The following CERT1 variants were observed in gnomAD, a reference collection of about 807,000 sequenced individuals.
CERT1 encodes the protein ceramide transfer protein.
In CERT1, 31 loss-of-function variants were observed where a neutral mutation model predicts 87.9. The observed-to-expected ratio is 0.35, with a 90% CI of 0.27 to 0.48. The LOEUF is 0.48. CERT1 is among the 20% of genes least tolerant of loss of function. CERT1 has a pLI of 0.99. For missense variants in CERT1, 487 were observed against 758.0 expected, an observed-to-expected ratio of 0.64 and a Z score of 4.20; for synonymous variants, 289 against 250.9, an observed-to-expected ratio of 1.15 and a Z score of -1.44.
intron 11 of CERT1, among the ~76,000 whole-genome samples, chr5:75,390,807 T>C (rs957671773): frequency 6.6e-6 from 1 of 152,248 alleles, no homozygotes; most frequent in East Asian, 1.9e-4. Flanking sequence ...AATAATCAAC[T>C]TCCCCCCTAC....
chr5:75,460,752 C>T (rs138572351), intron 2 of CERT1, among the ~76,000 whole-genome samples: 4 of 152,346 alleles, frequency 2.6e-5, no homozygotes, highest in African/African-American at 9.6e-5. Flanking sequence ...ACAACATCCA[C>T]CTTTTATCTC....
At chr5:75,457,767 GGT>G (rs148564811) in intron 3 of CERT1, among the ~76,000 whole-genome samples, 3,048 of 151,054 alleles carry the variant, frequency 0.02, 50 homozygotes, top group Middle Eastern at 0.038. Context: ...TGGGTGTAGG[GGT>G]GTGTGTGTGT....
intron 6 of CERT1, 79 bp from the exon 7 acceptor site, chr5:75,417,112 G>A: frequency 8.4e-7 from 1 of 1,183,442 alleles, no homozygotes; most frequent in South Asian, 1.6e-5. Context: ...AAAATGTTTA[G>A]AAAATTAGCA....
At chr5:75,396,434 A>G (rs1486650353) in intron 11 of CERT1, among the ~76,000 whole-genome samples, 3 of 152,210 alleles carry the variant, frequency 2.0e-5, no homozygotes, top group Non-Finnish European at 4.4e-5. Context: ...TTGTGTATTA[A>G]GAACGATGTA....
chr5:75,438,171 C>T (rs1580771320), intron 3 of CERT1, among the ~76,000 whole-genome samples: 2 of 152,064 alleles, frequency 1.3e-5, no homozygotes, highest in Admixed American at 1.3e-4. Flanking sequence ...ACATGGCTCT[C>T]AATTAGTTTT....
chr5:75,374,210 AAAAAAAGAC>A (rs1046727600), downstream of CERT1: 2 of 404,528 alleles, frequency 4.9e-6, no homozygotes, highest in Admixed American at 8.7e-5. Context: ...AAAAAAAAAA[AAAAAAAGAC>A]AAGTAAAAAA....
intron 2 of CERT1, among the ~76,000 whole-genome samples, chr5:75,463,373 C>T (rs891569347): frequency 2.0e-5 from 3 of 151,946 alleles, no homozygotes; most frequent in East Asian, 1.9e-4. Context: ...TCAACCCTCC[C>T]GAAGAACCAA....
chr5:75,385,590 TC>T (rs1761753452), intron 13 of CERT1, among the ~76,000 whole-genome samples: 1 of 152,248 alleles, frequency 6.6e-6, no homozygotes, highest in Non-Finnish European at 1.5e-5. Flanking sequence ...TCTTGGCTTC[TC>T]CACCATATAG....
chr5:75,457,707 GAAGTATGC>G (rs1251632436), intron 3 of CERT1, among the ~76,000 whole-genome samples: 1 of 151,976 alleles, frequency 6.6e-6, no homozygotes, highest in Non-Finnish European at 1.5e-5. Flanking sequence ...GATTGATAAA[GAAGTATGC>G]AATTGTGAAA....
chr5:75,391,363 T>C (rs1762022672), intron 11 of CERT1, among the ~76,000 whole-genome samples: 2 of 152,340 alleles, frequency 1.3e-5, no homozygotes, highest in East Asian at 1.9e-4. Context: ...GCCTTAAGTG[T>C]CTCCTGATCT....
chr5:75,406,091 T>C (rs1762696537), intron 8 of CERT1, among the ~76,000 whole-genome samples: 1 of 152,240 alleles, frequency 6.6e-6, no homozygotes, highest in Admixed American at 6.5e-5. Flanking sequence ...TTTTCTGAAC[T>C]GCAAATGTGA....
chr5:75,389,733 T>C (rs771650782), intron 11 of CERT1, 46 bp from the exon 12 acceptor site: 3 of 1,432,882 alleles, frequency 2.1e-6, no homozygotes, highest in Non-Finnish European at 3.0e-6. Context: ...AGGTATGTCA[T>C]AATCTCTAAA....
At chr5:75,477,946 T>C (rs1467836048) in intron 2 of CERT1, among the ~76,000 whole-genome samples, 7 of 152,154 alleles carry the variant, frequency 4.6e-5, no homozygotes, top group East Asian at 3.8e-4. Flanking sequence ...TGGTGGCAGA[T>C]TGATACATTC....
chr5:75,412,138 T>C (rs1762956795), intron 7 of CERT1, among the ~76,000 whole-genome samples: 1 of 152,226 alleles, frequency 6.6e-6, no homozygotes, highest in Non-Finnish European at 1.5e-5. Flanking sequence ...CTAATGCTTT[T>C]ATTTCCTCAT....
intron 8 of CERT1, among the ~76,000 whole-genome samples, chr5:75,406,764 T>G (rs1004247548): frequency 6.6e-6 from 1 of 152,038 alleles, no homozygotes; most frequent in Non-Finnish European, 1.5e-5. Context: ...AGGCTGCTCT[T>G]GAACTCCTGA....
At chr5:75,474,105 C>G (rs1322581072) in intron 2 of CERT1, among the ~76,000 whole-genome samples, 1 of 152,152 alleles carries the variant, frequency 6.6e-6, no homozygotes, top group Non-Finnish European at 1.5e-5. Context: ...AACTTAAAAA[C>G]CGATGTTATT....
chr5:75,432,534 C>T (rs1258407555), intron 3 of CERT1, among the ~76,000 whole-genome samples: 1 of 152,180 alleles, frequency 6.6e-6, no homozygotes, highest in Non-Finnish European at 1.5e-5. Context: ...TGTTCATGTC[C>T]TTTGCCCATC....
chr5:75,507,406 G>C (rs1460600765), intron 1 of CERT1, among the ~76,000 whole-genome samples: 1 of 152,030 alleles, frequency 6.6e-6, no homozygotes, highest in African/African-American at 2.4e-5. Context: ...ACCATCCCTA[G>C]CCAGTTCTTA....
chr5:75,487,611 T>C (rs189647575), intron 2 of CERT1, among the ~76,000 whole-genome samples: 1 of 152,116 alleles, frequency 6.6e-6, no homozygotes, highest in East Asian at 1.9e-4. Context: ...TACAAGGAGA[T>C]GAGAGAAGTC....
Sources: gnomAD v4.1 joint callset for allele counts (sites outside exome capture counted in the v4.1 genomes callset) on GRCh38, gnomAD v4.1.1 for gene constraint, MANE v1.5 for transcripts, NCBI Gene and HGNC (gene_info 2026-07-23, HGNC 2026-07-21) for gene names.